Variants in DNAI1 observed in about 807,000 individuals in gnomAD.
DNAI1 encodes dynein, axonemal, intermediate polypeptide 1.
In DNAI1, 67 loss-of-function variants were observed where a neutral mutation model predicts 92.0. The ratio of observed to expected loss-of-function variants is 0.73; its 90% confidence interval spans 0.60 to 0.89. DNAI1 has a LOEUF of 0.89. DNAI1 is among the 40% of genes least tolerant of loss of function. The pLI is 0.00. For missense variants in DNAI1, 839 were observed against 866.6 expected, an observed-to-expected ratio of 0.97 and a Z score of 0.40; for synonymous variants, 323 against 319.6, an observed-to-expected ratio of 1.01 and a Z score of -0.11.
chr9:34,500,871 C>T (rs914112487), intron 11 of DNAI1, 32 bp downstream of exon 11: 2 of 1,547,288 alleles, frequency 1.3e-6, no homozygotes, highest in Admixed American at 3.3e-5. Flanking sequence ...AATGCAGAGC[C>T]CCTGAGTGCC....
At chr9:34,484,642 A>G (rs1381028155) in intron 2 of DNAI1, among the ~76,000 whole-genome samples, 1 of 152,236 alleles carries the variant, frequency 6.6e-6, no homozygotes, top group South Asian at 2.1e-4. Context: ...TTTTGCTCCA[A>G]GGACCTAATG....
At chr9:34,503,199 C>G (rs1390044198) in intron 12 of DNAI1, among the ~76,000 whole-genome samples, 2 of 152,196 alleles carry the variant, frequency 1.3e-5, no homozygotes, top group African/African-American at 4.8e-5. Context: ...ATCTCAGAAC[C>G]ACCTGCAGAG....
intron 1 of DNAI1, among the ~76,000 whole-genome samples, chr9:34,482,569 T>G (rs1171749599): frequency 6.6e-6 from 1 of 151,910 alleles, no homozygotes; most frequent in Non-Finnish European, 1.5e-5. Context: ...AGCAGCTAGA[T>G]ACAGAGTGTT....
At chr9:34,520,399 C>T (rs1464797222) in intron 19 of DNAI1, among the ~76,000 whole-genome samples, 1 of 152,216 alleles carries the variant, frequency 6.6e-6, no homozygotes, top group Non-Finnish European at 1.5e-5. Context: ...CCCACTCCCA[C>T]AAGCATCAAG....
intron 1 of DNAI1, among the ~76,000 whole-genome samples, chr9:34,477,046 C>T (rs1042529019): frequency 7.2e-5 from 11 of 152,028 alleles, no homozygotes; most frequent in African/African-American, 1.9e-4. Flanking sequence ...GACAGGGTCT[C>T]GCTATTTTGC....
intron 14 of DNAI1, 59 bp from the exon 15 acceptor site, chr9:34,512,278 T>C: frequency 6.2e-7 from 1 of 1,611,150 alleles, no homozygotes; most frequent in South Asian, 1.1e-5. Flanking sequence ...CCCCCAGCCT[T>C]GCTCATCTAG....
intron 1 of DNAI1, among the ~76,000 whole-genome samples, chr9:34,462,074 TC>T (rs1823961034): frequency 6.6e-6 from 1 of 152,186 alleles, no homozygotes; most frequent in Non-Finnish European, 1.5e-5. Flanking sequence ...TTCATATCAC[TC>T]CACTAGTCGC....
In DNAI1 at chr9:34,520,601, G is replaced by T. The variant is rs958899752; in HGVS notation, c.2002-57G>T. 23 of 1,494,748 alleles carry T rather than the reference G, an allele frequency of 1.5e-5. No homozygotes were observed. The African/African-American group carries it at 2.4e-4, about 15-fold the overall frequency. The allele number at this position is 1,494,748 out of a possible 1,614,324, so 92.6% of individuals were successfully genotyped here. On this transcript the variant is annotated intron_variant, in intron 19 of 19. Coordinates refer to ENST00000242317, the MANE Select transcript of DNAI1 (RefSeq NM_012144.4). The stretch of plus-strand genomic sequence containing the variant: ...GGCTGGGCAGAGGAGGTGGTGCTGG[G>T]ACCCAGAGAGGGGGGGCCCACCATT...
At chr9:34,503,963 G>T (rs1218499526) in intron 12 of DNAI1, among the ~76,000 whole-genome samples, 1 of 152,208 alleles carries the variant, frequency 6.6e-6, no homozygotes, top group Non-Finnish European at 1.5e-5. Context: ...CTGTACTGAA[G>T]GGGTCCTTTC....
At chr9:34,491,218 C>T in intron 7 of DNAI1, 1 of 528,038 alleles carries the variant, frequency 1.9e-6, no homozygotes, top group Middle Eastern at 5.3e-4. Flanking sequence ...TCTGTTCATC[C>T]CCCACTTAGA....
rs780268562 is a variant in DNAI1, at chr9:34,520,729, G to A, written c.2073G>A (p.Leu691=). The change falls in exon 20 of 20, where the codon CTG becomes CTA. Residue 691 remains leucine (L), a synonymous_variant. Coordinates refer to ENST00000242317, the MANE Select transcript of DNAI1 (RefSeq NM_012144.4). ...EIAKLDKLLN[L]VREVKIKT is the part of the protein sequence containing the mutation. ...CGAAACTGGACAAACTGCTGAACCTGGTGAGGGAAGTGAAAATCAAGACCT... is the reference window on the plus strand; with the variant it reads ...CGAAACTGGACAAACTGCTGAACCTAGTGAGGGAAGTGAAAATCAAGACCT... 7 of 1,551,696 alleles carry A rather than the reference G, an allele frequency of 4.5e-6. No individual in the cohort carries two copies. In the South Asian group the frequency reaches 5.9e-5, roughly 13 times the overall value.
Position 34,506,618 on chromosome 9 carries a change from C to T in DNAI1, c.1064-9C>T, listed in dbSNP as rs764425574. On this transcript the variant is annotated splice_polypyrimidine_tract_variant and intron_variant, in intron 12 of 19. Coordinates refer to ENST00000242317, the MANE Select transcript of DNAI1 (RefSeq NM_012144.4). ...CCTCCAACCTCAGCCGCCCATCTTC[C>T]CTGGGTAGATGACTTCATGAAGCAG... The T allele has an allele frequency of 1.2e-5, 19 of 1,614,154 alleles. No individual in the cohort carries two copies. In the Admixed American group the frequency reaches 1.3e-4, roughly 11 times the overall value.
chr9:34,509,917 A>G (rs7467185), intron 13 of DNAI1, among the ~76,000 whole-genome samples: 2 of 148,494 alleles, frequency 1.3e-5, no homozygotes, highest in Non-Finnish European at 3.0e-5. Flanking sequence ...AAAAAAAAAG[A>G]AAAAAAAGAA....
In DNAI1 at chr9:34,490,312, C is replaced by T. The variant is rs200126529; in HGVS notation, c.502-57C>T. 59 of 1,613,878 alleles carry T rather than the reference C, an allele frequency of 3.7e-5. No homozygotes were observed. The Middle Eastern group carries it at 9.9e-4, about 27-fold the overall frequency. On this transcript the variant is annotated intron_variant, in intron 6 of 19. Transcript: ENST00000242317. ...CTAGGACAGGGCTTGCCCCATCTCC[C>T]GGTTTTCTACCACCTTCTCACAGCT... is the stretch of plus-strand genomic sequence containing the variant.
intron 1 of DNAI1, among the ~76,000 whole-genome samples, chr9:34,469,743 A>AT (rs1461105887): frequency 6.6e-6 from 1 of 151,492 alleles, no homozygotes; most frequent in East Asian, 1.9e-4. Context: ...ATGGTGGCTA[A>AT]TTTTTTTTGT....
intron 2 of DNAI1, among the ~76,000 whole-genome samples, chr9:34,484,476 T>A (rs1046578907): frequency 2.6e-5 from 4 of 152,250 alleles, no homozygotes; most frequent in Admixed American, 6.5e-5. Context: ...GGTTGTTTTA[T>A]AGTTTGCCAA....
intron 1 of DNAI1, among the ~76,000 whole-genome samples, chr9:34,481,505 T>C (rs1824353690): frequency 6.6e-6 from 1 of 152,206 alleles, no homozygotes; most frequent in South Asian, 2.1e-4. Context: ...CCTCCTTTTG[T>C]GTCTGGAATT....
intron 12 of DNAI1, among the ~76,000 whole-genome samples, chr9:34,503,355 T>C (rs2132074272): frequency 6.6e-6 from 1 of 152,274 alleles, no homozygotes; most frequent in East Asian, 1.9e-4. Context: ...AGCTGCTGGA[T>C]GGGGTCACTA....
intron 1 of DNAI1, among the ~76,000 whole-genome samples, chr9:34,470,617 T>C (rs978747333): frequency 6.6e-6 from 1 of 152,166 alleles, no homozygotes; most frequent in African/African-American, 2.4e-5. Context: ...GATGTAAGCA[T>C]CAAAAAATGA....
Sources: gnomAD v4.1 joint callset for allele counts (sites outside exome capture counted in the v4.1 genomes callset) on GRCh38, gnomAD v4.1.1 for gene constraint, MANE v1.5 for transcripts, NCBI Gene and HGNC (gene_info 2026-07-23, HGNC 2026-07-21) for gene names.